The following FAM227B variants were observed in gnomAD, a reference collection of about 807,000 sequenced individuals.
FAM227B encodes the protein protein FAM227B.
Under a neutral mutation model 73.8 loss-of-function variants are expected in FAM227B, and 88 were observed. The observed-to-expected ratio is 1.19, with a 90% CI of 1.00 to 1.42. FAM227B has a LOEUF of 1.42. FAM227B is among the 40% of genes most tolerant of loss of function. The pLI is 0.00. For synonymous variants in FAM227B, 210 were observed against 190.5 expected, an observed-to-expected ratio of 1.10 and a Z score of -0.84; for missense variants, 632 against 590.9, an observed-to-expected ratio of 1.07 and a Z score of -0.72.
chr15:49,452,060 GAGAT>G (rs2052803485), intron 11 of FAM227B, among the ~76,000 whole-genome samples: 1 of 147,150 alleles, frequency 6.8e-6, no homozygotes, highest in African/African-American at 2.5e-5. Context: ...TTTTTTTTTT[GAGAT>G]AGAGTCTTGC....
rs974711680 is a variant in FAM227B at position 49,327,875 on chromosome 15, A to G, written c.*693T>C. 4 of 1,366,298 alleles carry G rather than the reference A, an allele frequency of 2.9e-6. No homozygotes were observed. The highest frequency in any genetic ancestry group is 3.0e-6 in the Non-Finnish European group (3 of 991,514). The allele number at this position is 1,366,298 out of a possible 1,614,324, so 84.6% of individuals were successfully genotyped here. On this transcript the variant is annotated 3_prime_UTR_variant, in exon 16 of 16. Coordinates refer to ENST00000299338, the MANE Select transcript of FAM227B (RefSeq NM_152647.3). ...TTTCTTCTTAGAACTTAGATAGGCT[A>G]TGTGTTCTACAAACACCAAGCAAAT... is the stretch of plus-strand genomic sequence containing the variant.
chr15:49,358,456 G>C (rs1375229431), intron 13 of FAM227B, among the ~76,000 whole-genome samples: 22 of 140,720 alleles, frequency 1.6e-4, no homozygotes, highest in Non-Finnish European at 2.9e-4. Context: ...GACAAACAGA[G>C]AGCCAAATCA....
intron 9 of FAM227B, among the ~76,000 whole-genome samples, chr15:49,561,283 C>A (rs192341888): frequency 1.5e-4 from 23 of 152,252 alleles, no homozygotes; most frequent in Admixed American, 9.2e-4. Flanking sequence ...GAAGGCCCCA[C>A]ATAATGATAA....
intron 13 of FAM227B, among the ~76,000 whole-genome samples, chr15:49,345,497 A>G: frequency 6.6e-6 from 1 of 152,264 alleles, no homozygotes; most frequent in East Asian, 1.9e-4. Flanking sequence ...ACTTATAACT[A>G]TAAATTTTTT....
chr15:49,554,912 T>C (rs898696577), intron 9 of FAM227B, among the ~76,000 whole-genome samples: 1 of 152,166 alleles, frequency 6.6e-6, no homozygotes, highest in Admixed American at 6.5e-5. Flanking sequence ...TAGCAACTTC[T>C]GCTTCTTTTC....
At chr15:49,509,398 A>C (rs979431474) in intron 10 of FAM227B, among the ~76,000 whole-genome samples, 1 of 152,172 alleles carries the variant, frequency 6.6e-6, no homozygotes, top group African/African-American at 2.4e-5. Context: ...CCAGTATTGC[A>C]TAAACCCTAC....
intron 11 of FAM227B, among the ~76,000 whole-genome samples, chr15:49,489,822 T>TTATATATATATATTTTA: frequency 3.1e-5 from 1 of 32,354 alleles, no homozygotes; most frequent in Admixed American, 4.4e-4. Context: ...TATATATATT[T>TTATATATATATATTTTA]TATATATATA....
At chr15:49,567,026 C>T (rs749596953) in intron 9 of FAM227B, among the ~76,000 whole-genome samples, 4 of 152,034 alleles carry the variant, frequency 2.6e-5, no homozygotes, top group Non-Finnish European at 5.9e-5. Context: ...TTAAAAGCCT[C>T]TTATCTTTTT....
intron 11 of FAM227B, among the ~76,000 whole-genome samples, chr15:49,427,290 T>G (rs2050211984): frequency 6.6e-6 from 1 of 152,054 alleles, no homozygotes; most frequent in Admixed American, 6.6e-5. Context: ...TTTACATTCC[T>G]CAATCATTAA....
chr15:49,546,348 C>A (rs1410910722), intron 9 of FAM227B, among the ~76,000 whole-genome samples: 2 of 152,184 alleles, frequency 1.3e-5, no homozygotes, highest in South Asian at 2.1e-4. Flanking sequence ...TTTCTTAATC[C>A]AGTCTATCGT....
chr15:49,591,126 G>A (rs2076529638), intron 3 of FAM227B, among the ~76,000 whole-genome samples: 1 of 131,608 alleles, frequency 7.6e-6, no homozygotes, highest in African/African-American at 2.8e-5. Flanking sequence ...CTCACTGCAA[G>A]CTCCGCCTCC....
chr15:49,471,440 G>A (rs1390596820), intron 11 of FAM227B, among the ~76,000 whole-genome samples: 3 of 150,586 alleles, frequency 2.0e-5, no homozygotes, highest in Non-Finnish European at 4.4e-5. Flanking sequence ...CCTAGATGGC[G>A]CCACTGCACT....
intron 10 of FAM227B, among the ~76,000 whole-genome samples, chr15:49,534,109 A>G (rs1487629901): frequency 6.6e-6 from 1 of 151,850 alleles, no homozygotes; most frequent in Non-Finnish European, 1.5e-5. Flanking sequence ...CTATTTTGAT[A>G]GCATAACACA....
intron 2 of FAM227B, 119 bp downstream of exon 2, chr15:49,615,002 G>T: frequency 1.1e-6 from 1 of 892,204 alleles, no homozygotes; most frequent in South Asian, 1.4e-5. Context: ...TTAAGACCTA[G>T]ACCAAACCCT....
chr15:49,371,452 A>G (rs2045799635), intron 11 of FAM227B, 53 bp from the exon 12 acceptor site: 4 of 1,140,278 alleles, frequency 3.5e-6, no homozygotes, highest in Admixed American at 2.0e-5. Context: ...TTTCCTTCAC[A>G]GAAAAAGCAT....
chr15:49,556,171 T>C (rs1247888593), intron 9 of FAM227B, among the ~76,000 whole-genome samples: 1 of 152,222 alleles, frequency 6.6e-6, no homozygotes, highest in Non-Finnish European at 1.5e-5. Flanking sequence ...CCCAGAGTTC[T>C]TGCACTTGTT....
intron 9 of FAM227B, among the ~76,000 whole-genome samples, chr15:49,550,662 T>G (rs2072838776): frequency 1.4e-5 from 2 of 147,512 alleles, no homozygotes; most frequent in Admixed American, 1.3e-4. Context: ...GGGCAGAGGC[T>G]CTCCCCACAT....
intron 11 of FAM227B, among the ~76,000 whole-genome samples, chr15:49,374,868 A>T (rs1171357801): frequency 6.6e-6 from 1 of 152,094 alleles, no homozygotes; most frequent in Non-Finnish European, 1.5e-5. Flanking sequence ...TTAATGTCTT[A>T]TTGTGTGTAT....
chr15:49,541,690 A>G lies in FAM227B; in HGVS notation c.864T>C (p.Leu288=). 6.6e-7 allele frequency: 1 copy of G among 1,505,772 alleles called. No homozygotes were observed. The highest frequency in any genetic ancestry group is 8.8e-7 in the Non-Finnish European group (1 of 1,130,894). The allele number at this position is 1,505,772 out of a possible 1,614,324, so 93.3% of individuals were successfully genotyped here. A position where few individuals can be genotyped will look rare whatever the true frequency, so the allele number is the denominator to read the frequency against. ...FKEDLGNNIF[L]WCSGLKPQKG... is the part of the protein sequence containing the mutation. ...ATGATATATTCATACCTGAACACCA[A>G]AGAAAAATGTTATTCCCTAGATCTT... The change falls in exon 10 of 16, where the codon CTT becomes CTC. Residue 288 remains leucine (L), a synonymous_variant. Coordinates refer to ENST00000299338, the MANE Select transcript of FAM227B (RefSeq NM_152647.3).
Sources: gnomAD v4.1 joint callset for allele counts (sites outside exome capture counted in the v4.1 genomes callset) on GRCh38, gnomAD v4.1.1 for gene constraint, MANE v1.5 for transcripts, NCBI Gene and HGNC (gene_info 2026-07-23, HGNC 2026-07-21) for gene names.